The following MME variants were observed in gnomAD, a reference collection of about 807,000 sequenced individuals.
The protein encoded by MME is neprilysin.
A neutral mutation model predicts 113.2 loss-of-function variants in MME; 98 were observed. The ratio of observed to expected loss-of-function variants is 0.87; its 90% CI spans 0.74 to 1.02. The LOEUF is 1.02. Among genes scored for constraint, MME ranks in the 50% least tolerant of loss-of-function variants. The pLI, the probability that MME is intolerant of heterozygous loss-of-function variation, is 0.00. For missense variants in MME, 836 were observed against 896.0 expected (o/e 0.93, Z 0.86); for synonymous variants, 292 against 300.6 (o/e 0.97, Z 0.30).
intron 13 of MME, 119 bp downstream of exon 13, chr3:155,143,690 C>A (rs968498669): frequency 5.0e-6 from 6 of 1,192,574 alleles, no homozygotes; most frequent in African/African-American, 1.5e-5. Context: ...AGGCAGAGAA[C>A]CTCTGAATCA....
At chr3:155,025,048 G>T (rs944591266) in intron 1 of MME, among the ~76,000 whole-genome samples, 1 of 152,150 alleles carries the variant, frequency 6.6e-6, no homozygotes, top group Admixed American at 6.5e-5. Flanking sequence ...AGTCTGTCTC[G>T]CAGAAAGATC....
intron 3 of MME, among the ~76,000 whole-genome samples, chr3:155,110,203 T>G (rs1449397663): frequency 3.9e-5 from 6 of 152,220 alleles, no homozygotes; most frequent in Admixed American, 3.3e-4. Flanking sequence ...GCTTCTCACG[T>G]GCTCCCCACC....
chr3:155,077,223 T>C (rs1337772133), upstream of MME, among the ~76,000 whole-genome samples: 1 of 152,218 alleles, frequency 6.6e-6, no homozygotes, highest in Non-Finnish European at 1.5e-5. Context: ...AAATGCACTA[T>C]AGCATTTTTA....
At chr3:155,180,317 G>T in intron 22 of MME, 43 bp from the exon 23 acceptor site, 1 of 1,382,346 alleles carries the variant, frequency 7.2e-7, no homozygotes, top group Non-Finnish European at 1.0e-6. Flanking sequence ...GTATGGACGT[G>T]AGTATCAAAT....
intron 16 of MME, among the ~76,000 whole-genome samples, chr3:155,151,941 T>TTTTTTTTTTTTTTTTTTTTTTTTGAGA (rs1721966803): frequency 6.6e-6 from 1 of 151,978 alleles, no homozygotes; most frequent in African/African-American, 2.4e-5. Flanking sequence ...TTCTATATCT[T>TTTTTTTTTTTTTTTTTTTTTTTTGAGA]CAGTTTATCC....
At chr3:155,148,428 T>A in intron 15 of MME, 122 bp from the exon 16 acceptor site, 1 of 684,888 alleles carries the variant, frequency 1.5e-6, no homozygotes, top group Non-Finnish European at 2.5e-6. Flanking sequence ...TTTTGGTAAG[T>A]TTTTTAATGC....
At chr3:155,089,441 G>A (rs1232447760) in intron 3 of MME, among the ~76,000 whole-genome samples, 1 of 152,134 alleles carries the variant, frequency 6.6e-6, no homozygotes, top group Non-Finnish European at 1.5e-5. Flanking sequence ...ATGCTATTCT[G>A]TGTATTATAG....
At chr3:155,104,106 T>A (rs1282454872) in intron 3 of MME, among the ~76,000 whole-genome samples, 1 of 152,186 alleles carries the variant, frequency 6.6e-6, no homozygotes, top group African/African-American at 2.4e-5. Context: ...GAAATGGTCT[T>A]GTTTAAGATG....
chr3:155,103,265 G>A lies in MME; in HGVS notation c.197-11729G>A, dbSNP rs1559918864. On this transcript the variant is annotated intron_variant, in intron 3 of 22. Transcript: ENST00000360490. ...ATTGATTGAATAAATATACTCTCAG[G>A]TTCCTTACCTTGAAGTCACAAAACT... 2.0e-5 allele frequency among the ~76,000 whole-genome samples: 3 copies of A among 152,164 alleles called. No homozygotes were observed. In the South Asian group the frequency reaches 6.2e-4, roughly 32 times the overall value.
chr3:155,149,644 C>T (rs1236636168), intron 16 of MME, among the ~76,000 whole-genome samples: 1 of 151,986 alleles, frequency 6.6e-6, no homozygotes, highest in Non-Finnish European at 1.5e-5. Context: ...TAATAAACTG[C>T]ACCACCAAGA....
Position 155,148,576 on chromosome 3 carries a change from C to T in MME, c.1524C>T (p.Phe508=), listed in dbSNP as rs756854276. Residue 508 remains phenylalanine (F), a synonymous_variant, in exon 16 of 23, where the codon TTC becomes TTT. Coordinates refer to ENST00000360490, the MANE Select transcript of MME (RefSeq NM_007289.4). ...TGAACTACAAAGAAGATGAATACTT[C>T]GAGAACATAATTCAAAATTTGAAAT... ...LELNYKEDEY[F]ENIIQNLKFS... The T allele has an allele frequency of 5.6e-6, 9 of 1,610,138 alleles. No individual in the cohort carries two copies. The highest frequency in any genetic ancestry group is 3.3e-5 in the Admixed American group (2 of 59,914).
chr3:155,081,863 A>G (rs1036482760), intron 1 of MME: 9 of 152,352 alleles, frequency 5.9e-5, no homozygotes, highest in African/African-American at 2.2e-4. Flanking sequence ...ATGCTTTTGA[A>G]AAAAGGCTAC....
intron 3 of MME, among the ~76,000 whole-genome samples, chr3:155,091,712 T>C (rs1160533333): frequency 6.6e-6 from 1 of 152,132 alleles, no homozygotes; most frequent in Non-Finnish European, 1.5e-5. Context: ...CTCAAGTTGA[T>C]AAAACAGATT....
At chr3:155,111,995 G>A (rs1028282994) in intron 3 of MME, among the ~76,000 whole-genome samples, 4 of 151,314 alleles carry the variant, frequency 2.6e-5, no homozygotes, top group Non-Finnish European at 4.4e-5. Flanking sequence ...CACCTTTCCC[G>A]TTACCATATT....
intron 16 of MME, among the ~76,000 whole-genome samples, chr3:155,150,967 C>G (rs1721878578): frequency 6.6e-6 from 1 of 152,072 alleles, no homozygotes; most frequent in Non-Finnish European, 1.5e-5. Context: ...AAGTTACTGA[C>G]TTATTTTGAA....
upstream of MME, among the ~76,000 whole-genome samples, chr3:155,078,331 G>A (rs929246504): frequency 1.3e-5 from 2 of 152,200 alleles, no homozygotes; most frequent in Non-Finnish European, 2.9e-5. Context: ...GGACTAAATA[G>A]TGTCTGTAAG....
intron 1 of MME, among the ~76,000 whole-genome samples, chr3:155,070,105 T>C (rs1411476343): frequency 6.6e-6 from 1 of 152,252 alleles, no homozygotes; most frequent in Non-Finnish European, 1.5e-5. Flanking sequence ...AAGACAATCA[T>C]ATTGTTTAAT....
At chr3:155,127,235 A>G (rs1287406638) in intron 8 of MME, among the ~76,000 whole-genome samples, 1 of 152,170 alleles carries the variant, frequency 6.6e-6, no homozygotes, top group African/African-American at 2.4e-5. Context: ...GGAAGTAGGC[A>G]GGCCATCCAG....
At chr3:155,044,370 C>A (rs561853891) in intron 1 of MME, among the ~76,000 whole-genome samples, 3 of 151,862 alleles carry the variant, frequency 2.0e-5, no homozygotes, top group Non-Finnish European at 4.4e-5. Flanking sequence ...TGATCTCAGA[C>A]GATCCACCTG....
Sources: gnomAD v4.1 joint callset for allele counts (sites outside exome capture counted in the v4.1 genomes callset) on GRCh38, gnomAD v4.1.1 for gene constraint, MANE v1.5 for transcripts, NCBI Gene and HGNC (gene_info 2026-07-23, HGNC 2026-07-21) for gene names.